ANXA4: variants seen among roughly 807,000 people sequenced by gnomAD.
ANXA4 encodes the protein 35-beta calcimedin.
Under a neutral mutation model 49.8 loss-of-function variants are expected in ANXA4, and 39 were observed. That is an observed-to-expected ratio of 0.78 (90% CI 0.61 to 1.02). ANXA4 has a LOEUF of 1.02. Ranked by LOEUF, ANXA4 falls within the 50% of genes least tolerant of loss-of-function variation. ANXA4 has a pLI of 0.00. For missense variants in ANXA4, 360 were observed against 410.1 expected, an observed-to-expected ratio of 0.88 and a Z score of 1.05; for synonymous variants, 134 against 152.5, an observed-to-expected ratio of 0.88 and a Z score of 0.89.
chr2:69,684,720 A>C (rs552922352), intron 2 of ANXA4, among the ~76,000 whole-genome samples: 294 of 152,008 alleles, frequency 1.9e-3, no homozygotes, highest in Middle Eastern at 6.8e-3. Context: ...GAGAAAAAAA[A>C]ACCCCATCAG....
At chr2:69,718,396 G>A (rs968921315) in intron 2 of ANXA4, among the ~76,000 whole-genome samples, 5 of 152,124 alleles carry the variant, frequency 3.3e-5, no homozygotes, top group Non-Finnish European at 7.3e-5. Context: ...AGAGATTCTT[G>A]GGGGGATGTA....
intron 3 of ANXA4, among the ~76,000 whole-genome samples, chr2:69,730,104 C>T (rs896308646): frequency 1.3e-5 from 2 of 152,120 alleles, no homozygotes; most frequent in Admixed American, 1.3e-4. Flanking sequence ...CTTTGGGAGG[C>T]CAAGGCGGGA....
intron 2 of ANXA4, among the ~76,000 whole-genome samples, chr2:69,695,224 A>G (rs1272213613): frequency 6.6e-6 from 1 of 152,146 alleles, no homozygotes; most frequent in African/African-American, 2.4e-5. Flanking sequence ...AGCTATTTCC[A>G]TATATAGTAC....
At chr2:69,709,679 A>G (rs1228337307) in intron 2 of ANXA4, among the ~76,000 whole-genome samples, 2 of 152,220 alleles carry the variant, frequency 1.3e-5, no homozygotes, top group South Asian at 4.1e-4. Context: ...CATTTCAGAA[A>G]CACTGCCTGG....
chr2:69,709,160 C>T (rs536292096), intron 2 of ANXA4, among the ~76,000 whole-genome samples: 32 of 152,266 alleles, frequency 2.1e-4, no homozygotes, highest in African/African-American at 7.7e-4. Flanking sequence ...TTTTTCCTCT[C>T]AATAAACCCA....
intron 1 of ANXA4, among the ~76,000 whole-genome samples, chr2:69,762,892 C>G (rs1304886225): frequency 6.6e-6 from 1 of 152,124 alleles, no homozygotes; most frequent in Non-Finnish European, 1.5e-5. Context: ...CATACTCACT[C>G]ACACTCACAT....
intron 1 of ANXA4, among the ~76,000 whole-genome samples, chr2:69,744,534 G>T (rs1213923205): frequency 6.6e-6 from 1 of 152,150 alleles, no homozygotes; most frequent in Non-Finnish European, 1.5e-5. Flanking sequence ...GCCCTTGAGG[G>T]TTTGTTTTCA....
intron 3 of ANXA4, among the ~76,000 whole-genome samples, chr2:69,797,564 C>G (rs1223451021): frequency 6.6e-6 from 1 of 152,192 alleles, no homozygotes; most frequent in Non-Finnish European, 1.5e-5. Flanking sequence ...GCTTTATACT[C>G]TGCTATTATG....
chr2:69,696,159 T>C lies in ANXA4; in HGVS notation n.767-24615T>C, dbSNP rs1281713538. Among the ~76,000 whole-genome samples, 6 of 152,198 alleles carry C rather than the reference T, an allele frequency of 3.9e-5. No homozygotes were observed. In the East Asian group the frequency reaches 1.2e-3, roughly 29 times the overall value. ...CATTTTGCCCACAGGAGAACTCCTT[T>C]CAAAATTGGATTCCATCCTCTCAAA... On this transcript the variant is annotated intron_variant and non_coding_transcript_variant, in intron 2 of 3. Coordinates refer to the ANXA4 transcript ENST00000418066.
At chr2:69,677,270 G>A (rs1336874154) in intron 2 of ANXA4, among the ~76,000 whole-genome samples, 1 of 151,950 alleles carries the variant, frequency 6.6e-6, no homozygotes, top group Non-Finnish European at 1.5e-5. Context: ...TCACTCTGTT[G>A]CCCAGACTGG....
At chr2:69,799,679 G>A (rs946815509) in intron 3 of ANXA4, among the ~76,000 whole-genome samples, 1 of 152,120 alleles carries the variant, frequency 6.6e-6, no homozygotes, top group African/African-American at 2.4e-5. Flanking sequence ...ATGCTGGGTA[G>A]GTACAGTGAT....
intron 2 of ANXA4, among the ~76,000 whole-genome samples, chr2:69,657,690 T>G (rs995619824): frequency 6.6e-5 from 10 of 152,190 alleles, no homozygotes; most frequent in Non-Finnish European, 1.5e-5. Context: ...TAACTTCCTG[T>G]GAGTATAAGT....
At chr2:69,679,356 G>A (rs7584522) in intron 2 of ANXA4, among the ~76,000 whole-genome samples, 74,603 of 151,958 alleles carry the variant, frequency 0.49, 19,190 homozygotes, top group East Asian at 0.77. Flanking sequence ...CCACTTTTCA[G>A]TGGGATTACT....
At chr2:69,816,060 T>A (rs1249670038) in intron 8 of ANXA4, 41 bp from the exon 9 acceptor site, 1 of 1,523,766 alleles carries the variant, frequency 6.6e-7, no homozygotes, top group South Asian at 1.1e-5. Flanking sequence ...TCCTGGCACA[T>A]CGTTTTTGGA....
At chr2:69,819,257 T>C in intron 10 of ANXA4, 23 bp from the exon 11 acceptor site, 4 of 1,560,692 alleles carry the variant, frequency 2.6e-6, no homozygotes, top group Non-Finnish European at 3.5e-6. Context: ...TCTTTTCATT[T>C]CTTCTTTTTT....
At chr2:69,771,322 G>A (rs1260469453) in intron 1 of ANXA4, among the ~76,000 whole-genome samples, 2 of 152,214 alleles carry the variant, frequency 1.3e-5, no homozygotes, top group South Asian at 2.1e-4. Context: ...GTAGGACAGG[G>A]CTTAGATGAA....
intron 1 of ANXA4, among the ~76,000 whole-genome samples, chr2:69,648,225 GC>G (rs750402284): frequency 6.6e-6 from 1 of 152,224 alleles, no homozygotes; most frequent in African/African-American, 2.4e-5. Context: ...CAGAGGCTGA[GC>G]AGGATTAGAG....
intron 3 of ANXA4, among the ~76,000 whole-genome samples, chr2:69,727,445 G>T (rs1447062786): frequency 6.6e-6 from 1 of 151,992 alleles, no homozygotes; most frequent in Non-Finnish European, 1.5e-5. Context: ...TGGACATTCT[G>T]GTGTGTGCAG....
At chr2:69,790,007 A>G (rs752140602) in intron 3 of ANXA4, among the ~76,000 whole-genome samples, 1 of 152,172 alleles carries the variant, frequency 6.6e-6, no homozygotes, top group Non-Finnish European at 1.5e-5. Flanking sequence ...GTGATTACCC[A>G]GGAGACTTCC....
Sources: gnomAD v4.1 joint callset for allele counts (sites outside exome capture counted in the v4.1 genomes callset) on GRCh38, gnomAD v4.1.1 for gene constraint, MANE v1.5 for transcripts, NCBI Gene and HGNC (gene_info 2026-07-23, HGNC 2026-07-21) for gene names.